Variants in MARCHF1 observed in about 807,000 individuals in gnomAD.
MARCHF1 encodes the protein E3 ubiquitin-protein ligase MARCHF1.
Under a neutral mutation model 54.2 loss-of-function variants are expected in MARCHF1, and 40 were observed. That is an observed-to-expected ratio of 0.74 (90% CI 0.57 to 0.96). MARCHF1 has a LOEUF of 0.96. Among genes scored for constraint, MARCHF1 ranks in the 40% least tolerant of loss-of-function variants. The probability of loss-of-function intolerance (pLI) is 0.00; values close to 1 mark genes in which losing one functional copy is unlikely to be tolerated. For synonymous variants in MARCHF1, 236 were observed against 236.3 expected (o/e 1.00, Z 0.01); for missense variants, 586 against 656.5 (o/e 0.89, Z 1.17).
intron 3 of MARCHF1, among the ~76,000 whole-genome samples, chr4:163,906,403 T>C (rs1166052103): frequency 6.6e-6 from 1 of 152,032 alleles, no homozygotes; most frequent in African/African-American, 2.4e-5. Flanking sequence ...GACTAGAATC[T>C]GAAGAGAAGA....
In MARCHF1 at chr4:163,537,620, A is replaced by C. The variant is rs1298173535; in HGVS notation, c.1339+7976T>G. ...CTTTTGCAGGAGTTTCTGTAGGTTT[A>C]ATAATAAACTCTCTGCCCATCTTTA... On this transcript the variant is annotated intron_variant, in intron 9 of 9. Coordinates refer to ENST00000514618, the MANE Select transcript of MARCHF1 (RefSeq NM_001394959.1). Among the ~76,000 whole-genome samples the C allele has an allele frequency of 2.0e-5, 3 of 152,144 alleles. 1 individual carries two copies. The East Asian group carries it at 5.8e-4, about 29-fold the overall frequency.
At chr4:163,717,783 C>A (rs1745313242) in intron 4 of MARCHF1, among the ~76,000 whole-genome samples, 1 of 152,160 alleles carries the variant, frequency 6.6e-6, no homozygotes, top group South Asian at 2.1e-4. Flanking sequence ...CTGTTGGCTG[C>A]ATAAATGTCT....
chr4:163,719,124 G>A (rs1745357534), intron 4 of MARCHF1, among the ~76,000 whole-genome samples: 1 of 152,030 alleles, frequency 6.6e-6, no homozygotes, highest in East Asian at 1.9e-4. Context: ...TTGGTGTGCT[G>A]CACCCATTAA....
At chr4:163,785,257 A>C (rs1011566092) in intron 4 of MARCHF1, among the ~76,000 whole-genome samples, 3 of 152,110 alleles carry the variant, frequency 2.0e-5, no homozygotes, top group African/African-American at 7.2e-5. Flanking sequence ...AAAATGACAC[A>C]AATTGCATTG....
intron 7 of MARCHF1, among the ~76,000 whole-genome samples, chr4:163,596,282 C>G (rs951937039): frequency 2.0e-5 from 3 of 152,086 alleles, no homozygotes; most frequent in Non-Finnish European, 2.9e-5. Flanking sequence ...TGGCTCACAC[C>G]TGTAATCTCA....
chr4:163,835,954 T>C lies in MARCHF1; in HGVS notation c.111+18067A>G, dbSNP rs558438249. Among the ~76,000 whole-genome samples, 125 of 152,202 alleles carry C rather than the reference T, an allele frequency of 8.2e-4. 1 individual carries two copies. Among genetic ancestry groups the C allele is most frequent in the Middle Eastern group, 6.8e-3 (2 of 294 alleles). On this transcript the variant is annotated intron_variant, in intron 4 of 9. Transcript: ENST00000514618. ...ATGTCTTCATCTCAGCTTCTCCAGC[T>C]CTAGATAAGGAAAATAATATAACAA...
At chr4:164,242,600 C>T (rs1732806133) in intron 1 of MARCHF1, among the ~76,000 whole-genome samples, 1 of 152,212 alleles carries the variant, frequency 6.6e-6, no homozygotes, top group Non-Finnish European at 1.5e-5. Context: ...TGCAGTTCCT[C>T]ACCAGCAATG....
intron 4 of MARCHF1, among the ~76,000 whole-genome samples, chr4:163,844,749 G>C (rs1749437696): frequency 1.3e-5 from 2 of 152,048 alleles, no homozygotes; most frequent in South Asian, 4.1e-4. Flanking sequence ...GACAGCTATG[G>C]AGCCCAAACC....
At chr4:163,598,902 CTT>C (rs1208701653) in intron 7 of MARCHF1, among the ~76,000 whole-genome samples, 1 of 152,162 alleles carries the variant, frequency 6.6e-6, no homozygotes, top group Admixed American at 6.5e-5. Context: ...CTTTTCGACT[CTT>C]TTGTCGTAAC....
intron 1 of MARCHF1, among the ~76,000 whole-genome samples, chr4:164,332,768 G>A (rs1390512215): frequency 6.6e-6 from 1 of 152,022 alleles, no homozygotes; most frequent in Non-Finnish European, 1.5e-5. Context: ...AGCAACATAA[G>A]ATTATAATTG....
At chr4:164,251,469 C>A (rs1360341540) in intron 1 of MARCHF1, among the ~76,000 whole-genome samples, 1 of 152,134 alleles carries the variant, frequency 6.6e-6, no homozygotes. Flanking sequence ...TCCTGCACAG[C>A]CCCACAGATG....
At chr4:164,102,516 G>C (rs1300524670) in intron 2 of MARCHF1, among the ~76,000 whole-genome samples, 9 of 149,690 alleles carry the variant, frequency 6.0e-5, no homozygotes, top group Non-Finnish European at 1.2e-4. Flanking sequence ...GCCAAACTAA[G>C]CTTCATAAGT....
rs1471152698 is a variant in MARCHF1, at chr4:164,147,487, G to A, written c.-322-35825C>T. 4.3e-5 allele frequency among the ~76,000 whole-genome samples: 5 copies of A among 115,598 alleles called. No individual in the cohort carries two copies. The East Asian group carries it at 1.1e-3, about 25-fold the overall frequency. 75.8% of individuals were successfully genotyped at this position (115,598 alleles called of 152,430 possible). On this transcript the variant is annotated intron_variant, in intron 1 of 9. Transcript: ENST00000514618. The stretch of plus-strand genomic sequence containing the variant: ...GCAGATATACACCATGGAATACTAT[G>A]CAGCCATAAAAAATGATGAGTTCAT...
intron 1 of MARCHF1, among the ~76,000 whole-genome samples, chr4:164,187,759 A>G (rs561728999): frequency 4.6e-5 from 7 of 152,344 alleles, no homozygotes; most frequent in African/African-American, 1.7e-4. Context: ...CATAGCCTTT[A>G]AAAGTGACTA....
intron 3 of MARCHF1, among the ~76,000 whole-genome samples, chr4:163,981,371 G>C (rs957101359): frequency 3.9e-5 from 6 of 152,168 alleles, no homozygotes; most frequent in African/African-American, 1.4e-4. Flanking sequence ...CCAAAAGTCA[G>C]ACACCCAGCA....
intron 2 of MARCHF1, among the ~76,000 whole-genome samples, chr4:164,097,015 A>G (rs1461717857): frequency 6.6e-6 from 1 of 152,056 alleles, no homozygotes; most frequent in Non-Finnish European, 1.5e-5. Context: ...TGTTCATTTT[A>G]CTCTTCATAG....
intron 4 of MARCHF1, among the ~76,000 whole-genome samples, chr4:163,849,648 A>G (rs1749589853): frequency 6.6e-6 from 1 of 152,120 alleles, no homozygotes; most frequent in African/African-American, 2.4e-5. Flanking sequence ...GAAGTGATGC[A>G]TATCACTTCC....
chr4:163,897,670 CA>C (rs2111295491), intron 3 of MARCHF1, among the ~76,000 whole-genome samples: 1 of 152,134 alleles, frequency 6.6e-6, no homozygotes, highest in Admixed American at 6.6e-5. Flanking sequence ...TAACCATATG[CA>C]GACAAATGGA....
chr4:163,551,331 AAAC>A (rs1477646429), intron 8 of MARCHF1, among the ~76,000 whole-genome samples: 1 of 152,238 alleles, frequency 6.6e-6, no homozygotes, highest in Admixed American at 6.5e-5. Context: ...GGAGAGAACT[AAAC>A]AACAGACTCT....
Sources: allele counts gnomAD v4.1 joint callset (sites outside exome capture counted in the v4.1 genomes callset), GRCh38; gene constraint gnomAD v4.1.1; transcripts MANE v1.5; gene names NCBI Gene and HGNC (gene_info 2026-07-23, HGNC 2026-07-21).